Variants in NAV2 observed in about 807,000 individuals in gnomAD.
The protein encoded by NAV2 is neuron navigator 2.
In NAV2, 54 loss-of-function variants were observed where a neutral mutation model predicts 223.2. The ratio of observed to expected loss-of-function variants is 0.24; its 90% CI spans 0.19 to 0.30. The LOEUF is 0.30. Ranked by LOEUF, NAV2 falls within the 10% of genes least tolerant of loss-of-function variation. The pLI is 1.00. For synonymous variants in NAV2, 1,279 were observed against 1,239.3 expected, an observed-to-expected ratio of 1.03 and a Z score of -0.67; for missense variants, 2,806 against 3,147.5, an observed-to-expected ratio of 0.89 and a Z score of 2.60.
In NAV2 at chr11:20,045,636, A is replaced by G; in HGVS notation, c.3868A>G (p.Lys1290Glu). The G allele has an allele frequency of 4.3e-6, 7 of 1,614,172 alleles. No individual in the cohort carries two copies. The highest frequency in any genetic ancestry group is 5.9e-6 in the Non-Finnish European group (7 of 1,180,026). ...TCAGACCAGTCTCCAGCCTGGAGCC[A>G]AGTACCCAGATGTGGCCTCTCCCAC... The part of the protein sequence containing the change: ...PAQTSLQPGA[K>E]YPDVASPTLR... Residue 1290 changes from lysine (K) to glutamate (E), a missense_variant, in exon 14 of 38, where the codon AAG (lysine) becomes GAG (glutamate). Lys to Glu is a moderately conservative substitution (Grantham distance 56). Coordinates refer to ENST00000349880, the MANE Select transcript of NAV2 (RefSeq NM_145117.5).
In NAV2 at chr11:20,045,609, G is replaced by A; in HGVS notation, c.3841G>A (p.Ala1281Thr). Residue 1281 changes from alanine (A) to threonine (T), a missense_variant, in exon 14 of 38, where the codon GCT becomes ACT. Transcript: ENST00000349880. Reference sequence around the variant, plus strand: ...GGCAGCCCAGCCTGTGTCCAGTCCGGCTCAGACCAGTCTCCAGCCTGGAGC... The same window carrying A: ...GGCAGCCCAGCCTGTGTCCAGTCCGACTCAGACCAGTCTCCAGCCTGGAGC... ...NPAAQPVSSP[A>T]QTSLQPGAKY... 5 of 1,614,190 alleles carry A rather than the reference G, an allele frequency of 3.1e-6. No homozygotes were observed. Among genetic ancestry groups the A allele is most frequent in the Non-Finnish European group, 4.2e-6 (5 of 1,180,032 alleles).
At chr11:19,886,924 G>A (rs1250658636) in intron 5 of NAV2, among the ~76,000 whole-genome samples, 1 of 152,188 alleles carries the variant, frequency 6.6e-6, no homozygotes, top group Non-Finnish European at 1.5e-5. Flanking sequence ...TGAGGCCAAT[G>A]AAGGGATGCT....
chr11:19,844,085 C>T (rs1247698381), intron 3 of NAV2, among the ~76,000 whole-genome samples: 3 of 152,202 alleles, frequency 2.0e-5, no homozygotes, highest in Non-Finnish European at 4.4e-5. Flanking sequence ...AGACCAACCA[C>T]TTCTTACATA....
intron 12 of NAV2, among the ~76,000 whole-genome samples, chr11:20,040,265 T>A (rs2056786030): frequency 6.6e-6 from 1 of 152,092 alleles, no homozygotes; most frequent in Non-Finnish European, 1.5e-5. Context: ...CAAGTACCTG[T>A]TCTCCCATAA....
chr11:19,628,193 G>A (rs1298796887), intron 1 of NAV2, among the ~76,000 whole-genome samples: 2 of 152,220 alleles, frequency 1.3e-5, no homozygotes, highest in Non-Finnish European at 1.5e-5. Context: ...ACAGCCTGAG[G>A]CAGCAGAGGA....
chr11:19,752,049 G>C (rs1174054731), intron 1 of NAV2, among the ~76,000 whole-genome samples: 9 of 152,130 alleles, frequency 5.9e-5, no homozygotes, highest in African/African-American at 2.2e-4. Flanking sequence ...CTGAAAATAG[G>C]CCAACAGTCA....
rs2050018952 is a variant in NAV2 at position 19,713,585 on chromosome 11, C to A, written c.-111C>A. On this transcript the variant is annotated 5_prime_UTR_variant, in exon 1 of 38. Coordinates refer to ENST00000349880, the MANE Select transcript of NAV2 (RefSeq NM_145117.5). This position sits in a 1 kb window ranked among gnomAD's most constrained non-coding sequence, Gnocchi z 7.2. ...TTTTTTTTTAGCCGCTGGTGGTGGG[C>A]GCCTCGTGGGCTAAGGCCCGGCGCC... The A allele has an allele frequency of 1.4e-6, 2 of 1,404,118 alleles. No homozygotes were observed. The allele number at this position is 1,404,118 out of a possible 1,614,324, so 87.0% of individuals were successfully genotyped here.
chr11:20,116,756 G>A (rs1314817851), intron 37 of NAV2, among the ~76,000 whole-genome samples: 1 of 152,188 alleles, frequency 6.6e-6, no homozygotes, highest in Non-Finnish European at 1.5e-5. Context: ...CCATTACCGA[G>A]TTAGATATTT....
At chr11:20,105,978 T>G (rs930659493) in intron 35 of NAV2, among the ~76,000 whole-genome samples, 1 of 150,986 alleles carries the variant, frequency 6.6e-6, no homozygotes, top group African/African-American at 2.4e-5. Context: ...CACCTCAAGG[T>G]TCCCCCAAGC....
At chr11:19,808,234 C>G (rs1214896594) in intron 1 of NAV2, among the ~76,000 whole-genome samples, 1 of 152,182 alleles carries the variant, frequency 6.6e-6, no homozygotes, top group Non-Finnish European at 1.5e-5. Context: ...TAGCTGCCCT[C>G]TTTAAAACTT....
rs926241480 is a variant in NAV2 at position 19,885,686 on chromosome 11, A to G, written c.770+5559A>G. 1.8e-4 allele frequency among the ~76,000 whole-genome samples: 28 copies of G among 152,306 alleles called. No homozygotes were observed. In the East Asian group the frequency reaches 1.9e-3, roughly 10 times the overall value. ...TACATATCTATAGGGTTAGGAGGAT[A>G]TTTTATTTGCTTTTTGGCTTTGTAT... On this transcript the variant is annotated intron_variant, in intron 5 of 37. Transcript: ENST00000349880.
At chr11:19,459,677 T>A (rs1287525081) in intron 1 of NAV2, among the ~76,000 whole-genome samples, 1 of 152,088 alleles carries the variant, frequency 6.6e-6, no homozygotes, top group Admixed American at 6.6e-5. Context: ...GCTATGATGG[T>A]TGTGTGGAGG....
At chr11:19,890,252 T>C (rs1008926514) in intron 5 of NAV2, among the ~76,000 whole-genome samples, 2 of 152,214 alleles carry the variant, frequency 1.3e-5, no homozygotes, top group Non-Finnish European at 2.9e-5. Flanking sequence ...GAAAAACCTG[T>C]ATTCTATCCA....
At chr11:19,973,457 A>G (rs572095103) in intron 10 of NAV2, among the ~76,000 whole-genome samples, 1 of 152,324 alleles carries the variant, frequency 6.6e-6, no homozygotes, top group Admixed American at 6.5e-5. Flanking sequence ...TCAGTGCATC[A>G]GAAGTGTTCG....
chr11:19,796,752 AC>A (rs1372426097), intron 1 of NAV2, among the ~76,000 whole-genome samples: 2 of 152,068 alleles, frequency 1.3e-5, no homozygotes, highest in Admixed American at 1.3e-4. Context: ...GCCCCTACAC[AC>A]CCCGAGCAGA....
In NAV2 at chr11:19,429,395, G is replaced by A. The variant is rs560279650; in HGVS notation, c.75+78368G>A. On this transcript the variant is annotated intron_variant, in intron 1 of 37. Transcript: ENST00000360655. ...TACGGGAGTGTCCATACACTTCATAGAAGAAAAAAGACTGGCCTGGGGGTC... is the reference window on the plus strand; with the variant it reads ...TACGGGAGTGTCCATACACTTCATAAAAGAAAAAAGACTGGCCTGGGGGTC... Among the ~76,000 whole-genome samples, 543 of 152,318 alleles carry A rather than the reference G, an allele frequency of 3.6e-3. 3 individuals carry two copies. Among genetic ancestry groups the A allele is most frequent in the African/African-American group, 0.013 (531 of 41,568 alleles).
intron 1 of NAV2, among the ~76,000 whole-genome samples, chr11:19,674,927 C>T (rs565998338): frequency 6.6e-6 from 1 of 152,270 alleles, no homozygotes; most frequent in Non-Finnish European, 1.5e-5. Flanking sequence ...ATAGTTGCAC[C>T]ACTTTATGGA....
intron 1 of NAV2, among the ~76,000 whole-genome samples, chr11:19,719,475 G>A (rs552466156): frequency 6.6e-6 from 1 of 152,312 alleles, no homozygotes; most frequent in East Asian, 1.9e-4. Context: ...CTTTGAAGCA[G>A]AAATGGTGAT....
intron 1 of NAV2, among the ~76,000 whole-genome samples, chr11:19,824,942 A>G (rs551621617): frequency 6.6e-6 from 1 of 152,316 alleles, no homozygotes; most frequent in East Asian, 1.9e-4. Flanking sequence ...ATCATTTTTT[A>G]TACTCCAGAG....
Sources: gnomAD v4.1 joint callset for allele counts (sites outside exome capture counted in the v4.1 genomes callset) on GRCh38, gnomAD v4.1.1 for gene constraint, Gnocchi (gnomAD v3.1) non-coding constraint, MANE v1.5 for transcripts, NCBI Gene and HGNC (gene_info 2026-07-23, HGNC 2026-07-21) for gene names.